FAM222A: variants seen among roughly 807,000 people sequenced by gnomAD.
FAM222A encodes the protein protein FAM222A.
FAM222A carries 7 observed loss-of-function variants against 25.8 expected under a neutral mutation model. That is an observed-to-expected ratio of 0.27 (90% CI 0.15 to 0.51). The LOEUF is 0.51. Among genes scored for constraint, FAM222A ranks in the 20% least tolerant of loss-of-function variants. FAM222A has a pLI of 0.97. For synonymous variants in FAM222A, 294 were observed against 298.8 expected (o/e 0.98, Z 0.17); for missense variants, 573 against 640.5 (o/e 0.89, Z 1.14).
chr12:109,744,203 G>C lies in FAM222A; in HGVS notation c.57G>C (p.Pro19=), dbSNP rs1177910480. 6.2e-7 allele frequency: 1 copy of C among 1,613,282 alleles called. No homozygotes were observed. The highest frequency in any genetic ancestry group is 8.5e-7 in the Non-Finnish European group (1 of 1,179,986). The change falls in exon 2 of 3, where the codon CCG becomes CCC. Residue 19 remains proline, a synonymous_variant. Coordinates refer to ENST00000538780, the MANE Select transcript of FAM222A (RefSeq NM_032829.3). The stretch of plus-strand genomic sequence containing the variant: ...CCCCGGGCCAACACCTGGCCTGCCC[G>C]AGCAAGAGCCTGGAGCTGCGCAAGT... ...QNAPGQHLAC[P]SKSLELRKCE...
chr12:109,718,843 G>T (rs1487501205), intron 1 of FAM222A, among the ~76,000 whole-genome samples: 1 of 152,268 alleles, frequency 6.6e-6, no homozygotes, highest in African/African-American at 2.4e-5. Flanking sequence ...GTCTGCACGG[G>T]CTGGGTGTAG....
intron 1 of FAM222A, among the ~76,000 whole-genome samples, chr12:109,736,114 G>C (rs1888079768): frequency 6.6e-6 from 1 of 152,208 alleles, no homozygotes; most frequent in Non-Finnish European, 1.5e-5. Context: ...TGAGGTTGGG[G>C]GGGTCCCTGC....
chr12:109,718,783 A>C (rs1350690815), intron 1 of FAM222A, among the ~76,000 whole-genome samples: 1 of 152,240 alleles, frequency 6.6e-6, no homozygotes, highest in Non-Finnish European at 1.5e-5. Flanking sequence ...GATGTCGACT[A>C]TAATTATAAG....
In FAM222A at chr12:109,714,199, G is replaced by T. The variant is rs1224099558; in HGVS notation, c.-745G>T. 4.9e-6 allele frequency: 1 copy of T among 205,598 alleles called. No individual in the cohort carries two copies. The highest frequency in any genetic ancestry group is 9.7e-6 in the Non-Finnish European group (1 of 103,292). 12.7% of individuals were successfully genotyped at this position (205,598 alleles called of 1,614,324 possible). A position where few individuals can be genotyped will look rare whatever the true frequency, so the allele number is the denominator to read the frequency against. ...GGCTGCATCCGAGCTTGCGTCGCCCGCTGCCGCCGCCGCCGCCGCTGCCGC... is the reference window on the plus strand; with the variant it reads ...GGCTGCATCCGAGCTTGCGTCGCCCTCTGCCGCCGCCGCCGCCGCTGCCGC... On this transcript the variant is annotated 5_prime_UTR_variant, in exon 1 of 3. Transcript: ENST00000538780. This position sits in a 1 kb window ranked among gnomAD's most constrained non-coding sequence, Gnocchi z 4.2.
At chr12:109,739,837 C>T (rs532478036) in intron 1 of FAM222A, among the ~76,000 whole-genome samples, 19 of 152,344 alleles carry the variant, frequency 1.2e-4, no homozygotes, top group Admixed American at 8.5e-4. Context: ...ATGGCCTTCC[C>T]TCTTTGTGGC....
chr12:109,753,385 ACTGT>A (rs767956364), intron 2 of FAM222A, among the ~76,000 whole-genome samples: 4 of 152,034 alleles, frequency 2.6e-5, no homozygotes, highest in African/African-American at 4.8e-5. Context: ...AGGCTTTGGG[ACTGT>A]CTAAGGGTCA....
At chr12:109,766,695 C>A (rs534364764) in intron 2 of FAM222A, among the ~76,000 whole-genome samples, 3 of 152,300 alleles carry the variant, frequency 2.0e-5, no homozygotes, top group Admixed American at 2.0e-4. Flanking sequence ...AAGATGACAC[C>A]AAGCACTGGC....
intron 1 of FAM222A, among the ~76,000 whole-genome samples, chr12:109,741,761 C>G (rs1888245646): frequency 6.6e-6 from 1 of 152,212 alleles, no homozygotes; most frequent in African/African-American, 2.4e-5. Flanking sequence ...ATTAACCCAG[C>G]CGGGGTCACA....
chr12:109,743,094 G>A (rs1888288957), intron 1 of FAM222A, among the ~76,000 whole-genome samples: 1 of 152,116 alleles, frequency 6.6e-6, no homozygotes, highest in Admixed American at 6.5e-5. Context: ...CAGGGTGCCC[G>A]GGAAGATGGA....
chr12:109,723,331 T>G (rs1592777807), intron 1 of FAM222A, among the ~76,000 whole-genome samples: 1 of 152,186 alleles, frequency 6.6e-6, no homozygotes, highest in Admixed American at 6.5e-5. Context: ...TCCCTGGGGA[T>G]GAGGAAGGAG....
intron 1 of FAM222A, among the ~76,000 whole-genome samples, chr12:109,718,446 A>G (rs1466994439): frequency 6.6e-6 from 1 of 152,202 alleles, no homozygotes; most frequent in East Asian, 1.9e-4. Flanking sequence ...GCAGCGAAGC[A>G]GCTCATATTC....
At chr12:109,755,220 A>C (rs1352990037) in intron 2 of FAM222A, among the ~76,000 whole-genome samples, 4 of 151,214 alleles carry the variant, frequency 2.6e-5, no homozygotes, top group Admixed American at 6.6e-5. Flanking sequence ...CAAGGTCATG[A>C]AGATATACAC....
intron 1 of FAM222A, among the ~76,000 whole-genome samples, chr12:109,736,774 T>TG (rs1013037312): frequency 6.6e-6 from 1 of 152,200 alleles, no homozygotes; most frequent in African/African-American, 2.4e-5. Context: ...GACATCACTA[T>TG]GCTCTCAGGC....
At chr12:109,762,738 G>A (rs1299207320) in intron 2 of FAM222A, among the ~76,000 whole-genome samples, 1 of 152,218 alleles carries the variant, frequency 6.6e-6, no homozygotes, top group Non-Finnish European at 1.5e-5. Context: ...CTACTCTGGT[G>A]GAACAGGTTG....
intron 2 of FAM222A, among the ~76,000 whole-genome samples, chr12:109,752,493 G>A (rs1355744932): frequency 1.3e-5 from 2 of 152,200 alleles, no homozygotes; most frequent in Non-Finnish European, 2.9e-5. Context: ...GTTGCCCCTG[G>A]GCAGAACCAG....
At chr12:109,766,746 G>C (rs914820708) in intron 2 of FAM222A, among the ~76,000 whole-genome samples, 2 of 152,244 alleles carry the variant, frequency 1.3e-5, no homozygotes, top group Non-Finnish European at 2.9e-5. Flanking sequence ...CTGCGGGTGG[G>C]AGTGTAGCCT....
At chr12:109,756,373 CTTCT>C (rs1888726611) in intron 2 of FAM222A, among the ~76,000 whole-genome samples, 1 of 138,728 alleles carries the variant, frequency 7.2e-6, no homozygotes, top group East Asian at 2.1e-4. Context: ...GATGGTTTTA[CTTCT>C]TTCTAATATG....
chr12:109,715,340 G>T (rs1283369868), intron 1 of FAM222A, among the ~76,000 whole-genome samples: 2 of 152,206 alleles, frequency 1.3e-5, no homozygotes, highest in African/African-American at 2.4e-5. Flanking sequence ...AGGTGGCCAC[G>T]TTTGAGAATT....
intron 1 of FAM222A, chr12:109,722,429 T>C (rs1248858090): frequency 6.6e-6 from 1 of 152,280 alleles, no homozygotes; most frequent in Non-Finnish European, 1.5e-5. Context: ...AGCTTTGGCC[T>C]AGAACAGTGC....
Sources: allele counts gnomAD v4.1 joint callset (sites outside exome capture counted in the v4.1 genomes callset), GRCh38; gene constraint gnomAD v4.1.1; non-coding constraint Gnocchi (gnomAD v3.1); transcripts MANE v1.5; gene names NCBI Gene and HGNC (gene_info 2026-07-23, HGNC 2026-07-21).